SLC9A3: variants seen among roughly 807,000 people sequenced by gnomAD.
SLC9A3 encodes solute carrier family 9 member A3, also known as sodium/hydrogen exchanger 3.
SLC9A3 carries 37 observed loss-of-function variants against 86.8 expected under a neutral mutation model. The ratio of observed to expected loss-of-function variants is 0.43; its 90% CI spans 0.33 to 0.56. The LOEUF is 0.56. Among genes scored for constraint, SLC9A3 ranks in the 20% least tolerant of loss-of-function variants. The pLI, the probability that SLC9A3 is intolerant of heterozygous loss-of-function variation, is 0.06. For missense variants in SLC9A3, 1,011 were observed against 1,171.9 expected (o/e 0.86, Z 2.00); for synonymous variants, 581 against 528.3 (o/e 1.10, Z -1.37).
chr5:476,499 G>A (rs765304460), intron 12 of SLC9A3, 44 bp downstream of exon 12: 28 of 1,603,922 alleles, frequency 1.7e-5, no homozygotes, highest in South Asian at 1.5e-4. Context: ...GCCGCCCCAC[G>A]GGGTCCCTGC....
chr5:520,112 AG>A lies in SLC9A3; in HGVS notation c.211+3999del, dbSNP rs536319633. On this transcript the variant is annotated intron_variant, in intron 1 of 16. Transcript: ENST00000264938. ...CCGTGGGCAGTCACTGCCGCTGCTCAGGTCCTAACCCTCAAGGCGCCACCTC... is the reference window on the plus strand; with the variant it reads ...CCGTGGGCAGTCACTGCCGCTGCTCAGTCCTAACCCTCAAGGCGCCACCTC... Among the ~76,000 whole-genome samples, 135 of 150,552 alleles carry A rather than the reference AG, an allele frequency of 9.0e-4. 1 individual carries two copies. Among genetic ancestry groups the A allele is most frequent in the African/African-American group, 3.2e-3 (130 of 40,766 alleles).
chr5:514,228 G>A (rs1438499978), intron 1 of SLC9A3, among the ~76,000 whole-genome samples: 3 of 152,236 alleles, frequency 2.0e-5, no homozygotes, highest in Non-Finnish European at 4.4e-5. Context: ...GCGAGCCCTC[G>A]GGGAGGCGTG....
In SLC9A3 at chr5:473,268, G is replaced by T. The variant is rs574874491; in HGVS notation, c.*111C>A. The stretch of plus-strand genomic sequence containing the variant: ...GGGCGAGGCGGGGCTCGGGGCTCGC[G>T]GTCGCTGTAGCCGCGCGGGGATCTG... On this transcript the variant is annotated 3_prime_UTR_variant, in exon 17 of 17. Coordinates refer to ENST00000264938, the MANE Select transcript of SLC9A3 (RefSeq NM_004174.4). The T allele has an allele frequency of 9.7e-5, 114 of 1,171,364 alleles. No individual in the cohort carries two copies. The South Asian group carries it at 2.7e-3, about 28-fold the overall frequency. The allele number at this position is 1,171,364 out of a possible 1,614,324, so 72.6% of individuals were successfully genotyped here.
At chr5:490,315 G>C (rs1739673791) in intron 2 of SLC9A3, among the ~76,000 whole-genome samples, 1 of 90,864 alleles carries the variant, frequency 1.1e-5, no homozygotes, top group Non-Finnish European at 2.4e-5. Flanking sequence ...GCGTGGCGAG[G>C]GGCAGGGGTG....
intron 3 of SLC9A3, 28 bp downstream of exon 3, chr5:488,288 G>A (rs751596211): frequency 5.6e-6 from 9 of 1,610,164 alleles, no homozygotes; most frequent in South Asian, 3.3e-5. Flanking sequence ...CGGCTCGCCC[G>A]CTCTGGAGCG....
At chr5:502,287 C>A (rs1028602529) in intron 1 of SLC9A3, among the ~76,000 whole-genome samples, 2 of 152,192 alleles carry the variant, frequency 1.3e-5, no homozygotes, top group Non-Finnish European at 2.9e-5. Flanking sequence ...CGGCCCCCCA[C>A]CCCCAGAGAC....
At position 497,887 on chromosome 5, in the gene SLC9A3, G is replaced by C. The variant is rs551346541; in HGVS notation, c.212-5816C>G. On this transcript the variant is annotated intron_variant, in intron 1 of 16. Transcript: ENST00000264938. The surrounding 1 kb of genome is among the most constrained non-coding windows in gnomAD (Gnocchi z 5.4). ...GGCCGCATCCCCAGCCTCTGCCCCTGTCCCGGGTGGGGTCGCCCGGCCGCA... is the reference window on the plus strand; with the variant it reads ...GGCCGCATCCCCAGCCTCTGCCCCTCTCCCGGGTGGGGTCGCCCGGCCGCA... 4.0e-5 allele frequency among the ~76,000 whole-genome samples: 6 copies of C among 148,240 alleles called. No individual in the cohort carries two copies. In the East Asian group the frequency reaches 1.2e-3, roughly 30 times the overall value.
chr5:506,668 A>C (rs1740595558), intron 1 of SLC9A3, among the ~76,000 whole-genome samples: 1 of 152,216 alleles, frequency 6.6e-6, no homozygotes, highest in Non-Finnish European at 1.5e-5. Flanking sequence ...TTTTCTGGGC[A>C]GTTGTAAAGA....
At chr5:505,830 G>T (rs1336306802) in intron 1 of SLC9A3, among the ~76,000 whole-genome samples, 1 of 147,364 alleles carries the variant, frequency 6.8e-6, no homozygotes, top group Admixed American at 6.7e-5. Context: ...CCATTGTGGG[G>T]GTGGGGAAAG....
chr5:472,911 G>T lies in SLC9A3; in HGVS notation c.*468C>A. 1.9e-6 allele frequency: 1 copy of T among 537,528 alleles called. No individual in the cohort carries two copies. Among genetic ancestry groups the T allele is most frequent in the Non-Finnish European group, 3.4e-6 (1 of 296,288 alleles). 33.3% of individuals were successfully genotyped at this position (537,528 alleles called of 1,614,324 possible). On this transcript the variant is annotated 3_prime_UTR_variant, in exon 17 of 17. Transcript: ENST00000264938. ...GAGCCTCGGTTTCCCGGCAGCGGTG[G>T]GAAAGGGCGCGAGCGGCCAGCCATG...
Position 476,226 on chromosome 5 carries a change from G to C in SLC9A3, c.2043C>G (p.Tyr681Ter). 6.2e-7 allele frequency: 1 copy of C among 1,613,870 alleles called. No homozygotes were observed. The highest frequency in any genetic ancestry group is 8.5e-7 in the Non-Finnish European group (1 of 1,179,976). Reference sequence around the variant, plus strand: ...CCCGCTTCTGGGCACGCTCCCGCTTGTACAGCTTGGCCGCCTTCTTGTTCT... The same window carrying C: ...CCCGCTTCTGGGCACGCTCCCGCTTCTACAGCTTGGCCGCCTTCTTGTTCT... ...LNQNKKAAKL[Y>*]KRERAQKRRN... is the part of the protein sequence containing the mutation. Residue 681 changes from tyrosine (Y) to a stop codon, truncating the protein, a stop_gained, in exon 13 of 17, where the codon TAC (tyrosine) becomes TAG (stop). Coordinates refer to ENST00000264938, the MANE Select transcript of SLC9A3 (RefSeq NM_004174.4). LOFTEE classifies it high-confidence loss of function.
At chr5:479,583 G>T in intron 10 of SLC9A3, 3 of 472,318 alleles carry the variant, frequency 6.4e-6, no homozygotes, top group Non-Finnish European at 1.2e-5. Flanking sequence ...GGGAGCTCGG[G>T]GTCCTAGGAC....
chr5:501,424 C>T (rs1018541164), intron 1 of SLC9A3, among the ~76,000 whole-genome samples: 19 of 152,242 alleles, frequency 1.2e-4, no homozygotes, highest in African/African-American at 4.3e-4. Context: ...CTCCCAGAAA[C>T]AGCCTGGCTG....
At chr5:514,752 C>T (rs1410447534) in intron 1 of SLC9A3, among the ~76,000 whole-genome samples, 1 of 152,268 alleles carries the variant, frequency 6.6e-6, no homozygotes, top group Admixed American at 6.5e-5. Flanking sequence ...CTTTCCCATT[C>T]AGGCTTAAAG....
At chr5:475,954 C>T (rs1250780765) in intron 14 of SLC9A3, 66 bp downstream of exon 14, 5 of 1,382,120 alleles carry the variant, frequency 3.6e-6, no homozygotes, top group African/African-American at 1.5e-5. Context: ...GTTCCCGAGC[C>T]GGGAGGGCTG....
chr5:494,175 C>T (rs868698371), intron 1 of SLC9A3, among the ~76,000 whole-genome samples: 48 of 152,244 alleles, frequency 3.2e-4, no homozygotes, highest in African/African-American at 5.3e-4. Context: ...CTGTGATGCA[C>T]GTGAGAAGTC....
chr5:477,478 A>G, intron 10 of SLC9A3, 34 bp from the exon 11 acceptor site: 4 of 1,510,104 alleles, frequency 2.6e-6, no homozygotes, highest in Non-Finnish European at 3.7e-6. Context: ...CAGTGGCCTG[A>G]GCAGCCAAGC....
At chr5:511,782 G>A (rs981192294) in intron 1 of SLC9A3, among the ~76,000 whole-genome samples, 4 of 152,150 alleles carry the variant, frequency 2.6e-5, no homozygotes, top group African/African-American at 9.7e-5. Flanking sequence ...GGTCAGGCCC[G>A]CAGGAGTTGA....
chr5:476,287 A>C lies in SLC9A3; in HGVS notation c.1982T>G (p.Leu661Arg). 1.9e-6 allele frequency: 3 copies of C among 1,613,926 alleles called. No homozygotes were observed. Among genetic ancestry groups the C allele is most frequent in the Non-Finnish European group, 2.5e-6 (3 of 1,180,000 alleles). Residue 661 changes from leucine (L) to arginine (R), a missense_variant, in exon 13 of 17, where the codon CTG becomes CGG. Physicochemically the swap from Leu to Arg is moderately radical, Grantham distance 102 (BLOSUM62 -2). Transcript: ENST00000264938. Reference protein sequence around the residue: ...EIFHRTMRKRLESFKSTKLGL... With the variant: ...EIFHRTMRKRRESFKSTKLGL... Reference sequence around the variant, plus strand: ...CAGCTTGGTCGACTTGAAGGACTCCAGGCGCTTCCGCATGGTCCTGTGGAA... The same window carrying C: ...CAGCTTGGTCGACTTGAAGGACTCCCGGCGCTTCCGCATGGTCCTGTGGAA...
Sources: gnomAD v4.1 joint callset for allele counts (sites outside exome capture counted in the v4.1 genomes callset) on GRCh38, gnomAD v4.1.1 for gene constraint, Gnocchi (gnomAD v3.1) non-coding constraint, MANE v1.5 for transcripts, NCBI Gene and HGNC (gene_info 2026-07-23, HGNC 2026-07-21) for gene names.